Variants in ZGRF1 observed in about 807,000 individuals in gnomAD.
The protein encoded by ZGRF1 is 5'-3' DNA helicase ZGRF1.
In ZGRF1, 196 loss-of-function variants were observed where a neutral mutation model predicts 203.5. That is an observed-to-expected ratio of 0.96 (90% CI 0.86 to 1.08). The LOEUF is 1.08. Among genes scored for constraint, ZGRF1 ranks in the 50% least tolerant of loss-of-function variants. The pLI, the probability that ZGRF1 is intolerant of heterozygous loss-of-function variation, is 0.00. For missense variants in ZGRF1, 2,326 were observed against 2,416.3 expected (o/e 0.96, Z 0.78); for synonymous variants, 809 against 841.3 (o/e 0.96, Z 0.66).
Position 112,580,522 on chromosome 4 carries a change from T to C in ZGRF1, c.4438+1141A>G, listed in dbSNP as rs1211430578. On this transcript the variant is annotated intron_variant, in intron 16 of 27. Transcript: ENST00000505019. ...AGAATGGGAGAAAATTTTTGCAATC[T>C]ACTCATCTGACAAAGGGCTAATATC... 2.0e-5 allele frequency among the ~76,000 whole-genome samples: 3 copies of C among 151,864 alleles called. No individual in the cohort carries two copies. In the South Asian group the frequency reaches 6.3e-4, roughly 32 times the overall value.
At chr4:112,556,632 G>C (rs532936095) in intron 20 of ZGRF1, among the ~76,000 whole-genome samples, 1 of 152,108 alleles carries the variant, frequency 6.6e-6, no homozygotes, top group Non-Finnish European at 1.5e-5. Flanking sequence ...GGCCTCAAGT[G>C]ATCTGCCCAC....
intron 24 of ZGRF1, among the ~76,000 whole-genome samples, chr4:112,543,012 T>C (rs981292905): frequency 2.6e-5 from 4 of 152,148 alleles, no homozygotes; most frequent in African/African-American, 9.6e-5. Context: ...TTCTCTTTTC[T>C]GTAGTTTCCA....
intron 10 of ZGRF1, among the ~76,000 whole-genome samples, chr4:112,599,481 G>A (rs535848319): frequency 1.1e-4 from 16 of 151,860 alleles, no homozygotes; most frequent in Non-Finnish European, 1.3e-4. Flanking sequence ...CAGCACTTTG[G>A]AAGACCAAGG....
At chr4:112,579,776 T>C (rs1745883933) in intron 16 of ZGRF1, among the ~76,000 whole-genome samples, 1 of 120,588 alleles carries the variant, frequency 8.3e-6, no homozygotes, top group African/African-American at 2.9e-5. Context: ...TAAAAGAGGA[T>C]ACAAACAAAT....
rs1378038954 is a variant in ZGRF1 at position 112,584,179 on chromosome 4, G to A, written c.4102-5C>T. 5 of 1,552,668 alleles carry A rather than the reference G, an allele frequency of 3.2e-6. No individual in the cohort carries two copies. The highest frequency in any genetic ancestry group is 4.4e-5 in the Admixed American group (2 of 45,488). ...ACATGTATAAAAGAGACGACCCTAA[G>A]GGGAAAGAAAAAAGATCAACATTTA... On this transcript the variant is annotated splice_polypyrimidine_tract_variant and splice_region_variant and intron_variant, in intron 14 of 27. Coordinates refer to ENST00000505019, the MANE Select transcript of ZGRF1 (RefSeq NM_018392.5).
intron 16 of ZGRF1, among the ~76,000 whole-genome samples, chr4:112,573,942 A>C (rs1349391246): frequency 2.6e-5 from 4 of 152,226 alleles, no homozygotes; most frequent in African/African-American, 9.6e-5. Flanking sequence ...TGGTGAGCAG[A>C]GAAGTGTGAG....
At chr4:112,636,049 T>C (rs1213953309) in intron 1 of ZGRF1, among the ~76,000 whole-genome samples, 1 of 152,192 alleles carries the variant, frequency 6.6e-6, no homozygotes, top group Non-Finnish European at 1.5e-5. Context: ...CCCTTTCTTA[T>C]CTTAGTATTA....
At chr4:112,631,828 T>A in intron 3 of ZGRF1, 102 bp downstream of exon 3, 1 of 533,430 alleles carries the variant, frequency 1.9e-6, no homozygotes. Context: ...CATTTCAGTG[T>A]ATGGATATAT....
intron 16 of ZGRF1, among the ~76,000 whole-genome samples, chr4:112,571,285 A>C (rs1349187259): frequency 2.6e-5 from 4 of 152,200 alleles, no homozygotes; most frequent in Non-Finnish European, 5.9e-5. Context: ...TAACAACAAT[A>C]AAAACAAAAC....
Position 112,621,606 on chromosome 4 carries a change from T to G in ZGRF1, c.163-1416A>C, listed in dbSNP as rs148407960. 2.7e-5 allele frequency among the ~76,000 whole-genome samples: 4 copies of G among 147,074 alleles called. No individual in the cohort carries two copies. The East Asian group carries it at 8.1e-4, about 30-fold the overall frequency. Reference sequence around the variant, plus strand: ...AGGCAGAGGTTGCGGTGAGGTGAGATCGCGCTATTGCACTCTAGCCTGGGC... The same window carrying G: ...AGGCAGAGGTTGCGGTGAGGTGAGAGCGCGCTATTGCACTCTAGCCTGGGC... On this transcript the variant is annotated intron_variant, in intron 4 of 27. Transcript: ENST00000505019.
intron 24 of ZGRF1, among the ~76,000 whole-genome samples, chr4:112,545,863 A>G (rs926384533): frequency 6.6e-6 from 1 of 152,182 alleles, no homozygotes; most frequent in African/African-American, 2.4e-5. Context: ...ACATAAAATG[A>G]CAAATACTGT....
At chr4:112,558,088 G>T in intron 20 of ZGRF1, 62 bp downstream of exon 20, 1 of 1,370,828 alleles carries the variant, frequency 7.3e-7, no homozygotes, top group Non-Finnish European at 1.0e-6. Flanking sequence ...GGCCCATAGT[G>T]GGTTGCCTCT....
At chr4:112,581,492 T>G (rs1034825332) in intron 16 of ZGRF1, among the ~76,000 whole-genome samples, 171 bp downstream of exon 16, 1 of 151,228 alleles carries the variant, frequency 6.6e-6, no homozygotes, top group Non-Finnish European at 1.5e-5. Context: ...TAAAAATATG[T>G]TTTTTAGAAG....
At position 112,618,890 on chromosome 4, in the gene ZGRF1, C is replaced by T. The variant is rs775398259; in HGVS notation, c.1152G>A (p.Lys384=). 6.2e-7 allele frequency: 1 copy of T among 1,613,802 alleles called. No individual in the cohort carries two copies. The highest frequency in any genetic ancestry group is 8.5e-7 in the Non-Finnish European group (1 of 1,179,850). The change falls in exon 6 of 28, where the codon AAG becomes AAA. Residue 384 remains lysine (K), a synonymous_variant. Coordinates refer to ENST00000505019, the MANE Select transcript of ZGRF1 (RefSeq NM_018392.5). ...FVETYAEERK[K]YNVDQSVGNN... Reference sequence around the variant, plus strand: ...TACCGACTGACTGGTCTACATTATACTTTTTCCTCTCTTCAGCATACGTTT... The same window carrying T: ...TACCGACTGACTGGTCTACATTATATTTTTTCCTCTCTTCAGCATACGTTT...
At chr4:112,554,546 G>T (rs1740598282) in intron 21 of ZGRF1, among the ~76,000 whole-genome samples, 159 bp downstream of exon 21, 1 of 152,032 alleles carries the variant, frequency 6.6e-6, no homozygotes, top group African/African-American at 2.4e-5. Context: ...GGATGAAGCT[G>T]GAAACCATCA....
At chr4:112,560,643 A>T in intron 19 of ZGRF1, 90 bp downstream of exon 19, 1 of 1,155,270 alleles carries the variant, frequency 8.7e-7, no homozygotes, top group Non-Finnish European at 1.2e-6. Context: ...CTTGAACCTC[A>T]TTTGACTAGG....
chr4:112,630,748 G>A (rs1045593707), intron 3 of ZGRF1, among the ~76,000 whole-genome samples: 11 of 151,886 alleles, frequency 7.2e-5, no homozygotes, highest in Non-Finnish European at 1.5e-4. Flanking sequence ...AAAATTAGCC[G>A]GGCGTGGTGG....
intron 3 of ZGRF1, chr4:112,628,500 T>C: frequency 2.3e-6 from 1 of 442,002 alleles, no homozygotes; most frequent in South Asian, 1.6e-5. Context: ...CAGTGGAAGA[T>C]GAATAACTTT....
At chr4:112,611,924 T>C (rs989869787) in intron 7 of ZGRF1, among the ~76,000 whole-genome samples, 1 of 151,872 alleles carries the variant, frequency 6.6e-6, no homozygotes, top group Admixed American at 6.6e-5. Context: ...AGAAGTTGTA[T>C]AGTGCCCAAC....
Sources: gnomAD v4.1 joint callset for allele counts (sites outside exome capture counted in the v4.1 genomes callset) on GRCh38, gnomAD v4.1.1 for gene constraint, MANE v1.5 for transcripts, NCBI Gene and HGNC (gene_info 2026-07-23, HGNC 2026-07-21) for gene names.